SNTG1: variants seen among roughly 807,000 people sequenced by gnomAD.
SNTG1 encodes the protein gamma-1-syntrophin.
Under a neutral mutation model 74.7 loss-of-function variants are expected in SNTG1, and 39 were observed. The observed-to-expected ratio is 0.52, with a 90% CI of 0.40 to 0.68. The LOEUF (loss-of-function observed/expected upper bound fraction) is 0.68. SNTG1 is among the 30% of genes least tolerant of loss of function. The probability of loss-of-function intolerance (pLI) is 0.00; values close to 1 mark genes in which losing one functional copy is unlikely to be tolerated. For synonymous variants in SNTG1, 254 were observed against 217.1 expected, an observed-to-expected ratio of 1.17 and a Z score of -1.49; for missense variants, 685 against 609.5, an observed-to-expected ratio of 1.12 and a Z score of -1.30.
chr8:50,106,906 A>G (rs2080394148), intron 1 of SNTG1, among the ~76,000 whole-genome samples: 1 of 152,194 alleles, frequency 6.6e-6, no homozygotes, highest in Admixed American at 6.6e-5. Context: ...CACAATAGCA[A>G]TTCATACTGC....
At chr8:50,480,444 T>C (rs1185785366) in intron 8 of SNTG1, among the ~76,000 whole-genome samples, 4 of 152,332 alleles carry the variant, frequency 2.6e-5, no homozygotes, top group East Asian at 1.9e-4. Flanking sequence ...GGAGTTATAA[T>C]GCTTGGTTTA....
At chr8:50,547,581 G>A (rs1365030959) in intron 11 of SNTG1, among the ~76,000 whole-genome samples, 5 of 150,916 alleles carry the variant, frequency 3.3e-5, no homozygotes, top group Non-Finnish European at 5.9e-5. Flanking sequence ...CTTATTTAAT[G>A]ATATGAATTT....
At chr8:50,618,633 C>T (rs777658529) in intron 13 of SNTG1, among the ~76,000 whole-genome samples, 1 of 152,196 alleles carries the variant, frequency 6.6e-6, no homozygotes, top group Non-Finnish European at 1.5e-5. Context: ...GTATTCTCAT[C>T]TGGAGGCTCC....
intron 15 of SNTG1, among the ~76,000 whole-genome samples, chr8:50,680,805 G>A (rs1313593917): frequency 6.6e-6 from 1 of 152,056 alleles, no homozygotes; most frequent in Admixed American, 6.6e-5. Context: ...CCAGGTATGT[G>A]CTCGCAGCTC....
At chr8:50,063,814 C>T (rs1820677469) in intron 1 of SNTG1, among the ~76,000 whole-genome samples, 1 of 151,926 alleles carries the variant, frequency 6.6e-6, no homozygotes, top group Non-Finnish European at 1.5e-5. Context: ...TAAAGGTAAA[C>T]TTAACTGTAG....
intron 1 of SNTG1, among the ~76,000 whole-genome samples, chr8:50,046,805 ATATGT>A (rs1369129324): frequency 6.6e-6 from 1 of 152,106 alleles, no homozygotes; most frequent in Non-Finnish European, 1.5e-5. Context: ...TGATTTTTTG[ATATGT>A]TATGTCTTAG....
intron 1 of SNTG1, among the ~76,000 whole-genome samples, chr8:49,919,018 C>G (rs1427831466): frequency 6.6e-6 from 1 of 152,104 alleles, no homozygotes; most frequent in African/African-American, 2.4e-5. Context: ...TGTCTTCATT[C>G]CAAAGTACGG....
chr8:50,159,286 T>C (rs1370492665), intron 1 of SNTG1, among the ~76,000 whole-genome samples: 5 of 152,182 alleles, frequency 3.3e-5, no homozygotes, highest in African/African-American at 9.6e-5. Context: ...AAACCAGTCT[T>C]ATTTTCTGTC....
At chr8:50,499,014 A>G (rs905060179) in intron 8 of SNTG1, among the ~76,000 whole-genome samples, 6 of 151,650 alleles carry the variant, frequency 4.0e-5, no homozygotes, top group African/African-American at 7.2e-5. Context: ...CTTGATGATT[A>G]TAGTTTCTTT....
intron 15 of SNTG1, among the ~76,000 whole-genome samples, chr8:50,673,599 A>G (rs1022045055): frequency 1.1e-4 from 16 of 152,138 alleles, no homozygotes. Flanking sequence ...GGTTTTCTAA[A>G]TATAGAAATA....
chr8:50,014,707 T>C (rs1816147383), intron 1 of SNTG1, among the ~76,000 whole-genome samples: 1 of 152,104 alleles, frequency 6.6e-6, no homozygotes, highest in Non-Finnish European at 1.5e-5. Context: ...GGAAAACTTC[T>C]AAACAATAGT....
chr8:50,588,619 A>G (rs2094670128), intron 12 of SNTG1, among the ~76,000 whole-genome samples: 2 of 152,238 alleles, frequency 1.3e-5, no homozygotes. Context: ...TTAATACTAC[A>G]CACAGCAGTA....
chr8:50,790,509 T>A (rs1303765431), intron 18 of SNTG1, among the ~76,000 whole-genome samples: 1 of 151,872 alleles, frequency 6.6e-6, no homozygotes, highest in Non-Finnish European at 1.5e-5. Flanking sequence ...TGATAGGTGG[T>A]AAGAATGCAG....
chr8:50,227,473 T>G (rs915247343), intron 2 of SNTG1, among the ~76,000 whole-genome samples: 2 of 152,148 alleles, frequency 1.3e-5, no homozygotes. Context: ...AGAATGGTAT[T>G]TCTCTCACTC....
intron 18 of SNTG1, among the ~76,000 whole-genome samples, chr8:50,764,209 C>G (rs1401144501): frequency 6.6e-6 from 1 of 151,784 alleles, no homozygotes; most frequent in Non-Finnish European, 1.5e-5. Flanking sequence ...TGGGCAATGA[C>G]TTTTTGGATT....
chr8:50,238,206 A>G (rs2086003028), intron 2 of SNTG1, among the ~76,000 whole-genome samples: 1 of 152,188 alleles, frequency 6.6e-6, no homozygotes, highest in Non-Finnish European at 1.5e-5. Context: ...CAAAAGGAAC[A>G]AAACTGGAGG....
intron 1 of SNTG1, among the ~76,000 whole-genome samples, chr8:50,115,889 G>C (rs183127962): frequency 1.3e-5 from 2 of 151,876 alleles, no homozygotes; most frequent in Non-Finnish European, 2.9e-5. Context: ...CCAACCCCCA[G>C]TGGAGAGAAT....
At chr8:50,429,189 C>A (rs974937853) in intron 4 of SNTG1, among the ~76,000 whole-genome samples, 1 of 151,610 alleles carries the variant, frequency 6.6e-6, no homozygotes, top group African/African-American at 2.4e-5. Flanking sequence ...ATAGCTAAAA[C>A]AATCTTGAAA....
intron 2 of SNTG1, among the ~76,000 whole-genome samples, chr8:50,253,319 A>C (rs895140841): frequency 2.0e-5 from 3 of 152,234 alleles, no homozygotes; most frequent in Non-Finnish European, 4.4e-5. Context: ...GCTACTCAGG[A>C]GGCTGAGACA....
Sources: gnomAD v4.1 joint callset for allele counts (sites outside exome capture counted in the v4.1 genomes callset) on GRCh38, gnomAD v4.1.1 for gene constraint, MANE v1.5 for transcripts, NCBI Gene and HGNC (gene_info 2026-07-23, HGNC 2026-07-21) for gene names.